F2: variants seen among roughly 807,000 people sequenced by gnomAD.
The protein encoded by F2 is coagulation factor II, thrombin, also known as prothrombin.
Under a neutral mutation model 81.9 loss-of-function variants are expected in F2, and 34 were observed. The ratio of observed to expected loss-of-function variants is 0.42; its 90% CI spans 0.32 to 0.55. The LOEUF is 0.55. Among genes scored for constraint, F2 ranks in the 20% least tolerant of loss-of-function variants. F2 has a pLI of 0.18. For synonymous variants in F2, 296 were observed against 326.4 expected (o/e 0.91, Z 1.01); for missense variants, 630 against 833.4 (o/e 0.76, Z 3.00).
At position 46,728,462 on chromosome 11, in the gene F2, C is replaced by A. The variant is rs952522605; in HGVS notation, c.1299-202C>A. Among the ~76,000 whole-genome samples the A allele has an allele frequency of 1.3e-5, 2 of 152,158 alleles. No homozygotes were observed. Among genetic ancestry groups the A allele is most frequent in the African/African-American group, 4.8e-5 (2 of 41,452 alleles). ...CAGCCTGTGCCCCTGTCCCCGTCCT[C>A]CAGGCTGTCTGACTCCAAAGCCCTG... On this transcript the variant is annotated intron_variant, in intron 10 of 13. Transcript: ENST00000311907. This position sits in a 1 kb window ranked among gnomAD's most constrained non-coding sequence, Gnocchi z 5.1.
Position 46,723,010 on chromosome 11 carries a change from A to G in F2, c.317-170A>G. The G allele has an allele frequency of 1.4e-6, 1 of 739,348 alleles. No individual in the cohort carries two copies. The highest frequency in any genetic ancestry group is 2.5e-5 in the East Asian group (1 of 39,506). 45.8% of individuals were successfully genotyped at this position (739,348 alleles called of 1,614,324 possible). A position where few individuals can be genotyped will look rare whatever the true frequency, so the allele number is the denominator to read the frequency against. ...GGCACTTAGCGAATATTTGGAGGCC[A>G]CTGTTGAGTGAATGGGAGAACTGCT... is the stretch of plus-strand genomic sequence containing the variant. On this transcript the variant is annotated intron_variant, in intron 4 of 13. Coordinates refer to ENST00000311907, the MANE Select transcript of F2 (RefSeq NM_000506.5). This position sits in a 1 kb window ranked among gnomAD's most constrained non-coding sequence, Gnocchi z 5.6.
intron 12 of F2, 128 bp from the exon 13 acceptor site, chr11:46,738,920 G>C: frequency 1.1e-6 from 1 of 909,172 alleles, no homozygotes; most frequent in Non-Finnish European, 1.8e-6. Context: ...TGGATGGGTA[G>C]GGTGAGGAAG....
At position 46,726,635 on chromosome 11, in the gene F2, G is replaced by A. The variant is rs1592413017; in HGVS notation, c.1003+9G>A. 6.2e-7 allele frequency: 1 copy of A among 1,612,760 alleles called. No homozygotes were observed. The highest frequency in any genetic ancestry group is 8.5e-7 in the Non-Finnish European group (1 of 1,178,684). On this transcript the variant is annotated intron_variant, in intron 8 of 13. Coordinates refer to ENST00000311907, the MANE Select transcript of F2 (RefSeq NM_000506.5). The surrounding 1 kb of genome is among the most constrained non-coding windows in gnomAD (Gnocchi z 5.9). The stretch of plus-strand genomic sequence containing the variant: ...TGGCTCGGGAGAGGCAGGTGAGGTA[G>A]TGGGCATCCGAGGGGATGCGGGGCT...
rs2064822060 is a variant in F2, at chr11:46,719,593, C to T, written c.80-109C>T. 4.2e-6 allele frequency: 6 copies of T among 1,417,132 alleles called. No homozygotes were observed. In the South Asian group the frequency reaches 7.6e-5, roughly 18 times the overall value. 87.8% of individuals were successfully genotyped at this position (1,417,132 alleles called of 1,614,324 possible). On this transcript the variant is annotated intron_variant, in intron 1 of 13. Transcript: ENST00000311907. The surrounding 1 kb of genome is among the most constrained non-coding windows in gnomAD (Gnocchi z 4.7). The stretch of plus-strand genomic sequence containing the variant: ...CAGGCACTTCCACCAGCCCAGACAG[C>T]CTCTCTCAGAAGCCAGCAGGGGAGG...
rs986623422 is a variant in F2, at chr11:46,732,050, G to A, written c.1654+2489G>A. Among the ~76,000 whole-genome samples, 51 of 151,646 alleles carry A rather than the reference G, an allele frequency of 3.4e-4. 1 individual carries two copies. The highest frequency in any genetic ancestry group is 1.1e-3 in the African/African-American group (46 of 41,344). On this transcript the variant is annotated intron_variant, in intron 12 of 13. Transcript: ENST00000311907. ...CCTGCCTCAGCCTCCCAAGTAGCAGGGATTACAGGCATGTGCCACCACACC... is the reference window on the plus strand; with the variant it reads ...CCTGCCTCAGCCTCCCAAGTAGCAGAGATTACAGGCATGTGCCACCACACC...
chr11:46,722,168 A>G (rs998083691), intron 4 of F2, among the ~76,000 whole-genome samples: 1 of 152,218 alleles, frequency 6.6e-6, no homozygotes, highest in African/African-American at 2.4e-5. Context: ...TACGTACTCA[A>G]CAGACATTTT....
chr11:46,729,483 G>C lies in F2; in HGVS notation c.1576G>C (p.Val526Leu), dbSNP rs1565705648. 1 of 1,614,136 alleles carries C rather than the reference G, an allele frequency of 6.2e-7. No individual in the cohort carries two copies. Among genetic ancestry groups the C allele is most frequent in the Admixed American group, 1.7e-5 (1 of 60,010 alleles). The change falls in exon 12 of 14, where the codon GTG becomes CTG. Residue 526 changes from valine (V) to leucine (L), a missense_variant. By Grantham distance (32) the Val-to-Leu change is conservative (BLOSUM62 1). Transcript: ENST00000311907. ...GGGGCAGCCCAGTGTCCTGCAGGTG[G>C]TGAACCTGCCCATTGTGGAGCGGCC... ...GKGQPSVLQV[V>L]NLPIVERPVC...
At chr11:46,722,844 G>A (rs1225793630) in intron 4 of F2, among the ~76,000 whole-genome samples, 2 of 152,176 alleles carry the variant, frequency 1.3e-5, no homozygotes, top group Non-Finnish European at 2.9e-5. Context: ...GGTAGACCAG[G>A]GCCAGTTGAA....
At chr11:46,731,921 T>G (rs1369422928) in intron 12 of F2, among the ~76,000 whole-genome samples, 3 of 147,168 alleles carry the variant, frequency 2.0e-5, no homozygotes, top group Admixed American at 6.8e-5. Flanking sequence ...TGTTTTTTTT[T>G]TTTTTTTTTT....
intron 12 of F2, 75 bp downstream of exon 12, chr11:46,729,636 C>T (rs1315424279): frequency 1.9e-6 from 3 of 1,548,118 alleles, no homozygotes; most frequent in Non-Finnish European, 2.6e-6. Context: ...TGGGTTCAAG[C>T]CATGTGACTT....
intron 12 of F2, among the ~76,000 whole-genome samples, chr11:46,730,862 CAA>C (rs201584455): frequency 7.4e-6 from 1 of 135,764 alleles, no homozygotes; most frequent in Non-Finnish European, 1.6e-5. Context: ...TGAGTATTTC[CAA>C]AAAAAAAAAA....
intron 2 of F2, 104 bp from the exon 3 acceptor site, chr11:46,720,419 T>C: frequency 7.4e-7 from 1 of 1,350,888 alleles, no homozygotes. Context: ...GCCTGCCCCC[T>C]GCGTGACCAG....
At chr11:46,736,110 G>A (rs1162951818) in intron 12 of F2, among the ~76,000 whole-genome samples, 2 of 152,106 alleles carry the variant, frequency 1.3e-5, no homozygotes, top group Non-Finnish European at 2.9e-5. Flanking sequence ...GGCTGAGGCA[G>A]GGGAATCACT....
At chr11:46,736,324 G>T (rs1475468436) in intron 12 of F2, among the ~76,000 whole-genome samples, 3 of 152,144 alleles carry the variant, frequency 2.0e-5, no homozygotes, top group Non-Finnish European at 4.4e-5. Flanking sequence ...TCCCTGTGCT[G>T]CCCAGGCTGA....
intron 12 of F2, among the ~76,000 whole-genome samples, chr11:46,733,782 CTTTTTTTT>C (rs34296052): frequency 0.054 from 4,844 of 89,854 alleles, 163 homozygotes; most frequent in South Asian, 0.18. Context: ...GATTAAGGAC[CTTTTTTTT>C]TTTTTTTTTT....
At position 46,726,158 on chromosome 11, in the gene F2, G is replaced by A. The variant is rs777315807; in HGVS notation, c.859G>A (p.Asp287Asn). ...GAAGCCTGGCGACTTTGGGTACTGC[G>A]ACCTCAACTATTGTGGTGAGCTGCC... ...AGKPGDFGYCDLNYCEEAVEE... is the reference protein window; with the variant it reads ...AGKPGDFGYCNLNYCEEAVEE... The change falls in exon 7 of 14, where the codon GAC (aspartate) becomes AAC (asparagine). Residue 287 changes from aspartate (D) to asparagine (N), a missense_variant. Transcript: ENST00000311907. This position sits in a 1 kb window ranked among gnomAD's most constrained non-coding sequence, Gnocchi z 5.9. 1.1e-5 allele frequency: 17 copies of A among 1,613,692 alleles called. No homozygotes were observed. The highest frequency in any genetic ancestry group is 6.7e-5 in the East Asian group (3 of 44,894).
Position 46,725,994 on chromosome 11 carries a change from T to C in F2, c.695T>C (p.Leu232Pro). Residue 232 changes from leucine to proline, a missense_variant, in exon 7 of 14, where the codon CTC becomes CCC. Transcript: ENST00000311907. ...QGRLAVTTHG[L>P]PCLAWASAQA... ...CGCCTGGCGGTGACCACACATGGGC[T>C]CCCCTGCCTGGCCTGGGCCAGCGCA... The C allele has an allele frequency of 6.2e-7, 1 of 1,613,878 alleles. No individual in the cohort carries two copies. The highest frequency in any genetic ancestry group is 1.3e-5 in the African/African-American group (1 of 75,016).
Position 46,719,541 on chromosome 11 carries a change from C to CTTTCCCCTCCT in F2, c.80-161_80-160insTTTCCCCTCCT. 1.0e-6 allele frequency: 1 copy of CTTTCCCCTCCT among 999,346 alleles called. No individual in the cohort carries two copies. The highest frequency in any genetic ancestry group is 1.5e-5 in the South Asian group (1 of 67,210). The allele number at this position is 999,346 out of a possible 1,614,324, so 61.9% of individuals were successfully genotyped here. A position where few individuals can be genotyped will look rare whatever the true frequency, so the allele number is the denominator to read the frequency against. ...GGGGCAAGGGGCAGTGTAGGAGGGG[C>CTTTCCCCTCCT]ACAGGGGGCCACATTTAGCAGCCTT... On this transcript the variant is annotated intron_variant, in intron 1 of 13. Coordinates refer to ENST00000311907, the MANE Select transcript of F2 (RefSeq NM_000506.5). This position sits in a 1 kb window ranked among gnomAD's most constrained non-coding sequence, Gnocchi z 4.7.
chr11:46,739,086 G>A lies in F2; in HGVS notation c.1693G>A (p.Glu565Lys). The change falls in exon 13 of 14, where the codon GAA becomes AAA. Residue 565 changes from glutamate to lysine, a missense_variant. Transcript: ENST00000311907. ...TGAAGGGAAACGAGGGGATGCCTGT[G>A]AAGGTGACAGTGGGGGACCCTTTGT... The part of the protein sequence containing the change: ...PDEGKRGDAC[E>K]GDSGGPFVMK... 1 of 1,614,216 alleles carries A rather than the reference G, an allele frequency of 6.2e-7. No individual in the cohort carries two copies. Among genetic ancestry groups the A allele is most frequent in the Non-Finnish European group, 8.5e-7 (1 of 1,180,040 alleles).
Sources: gnomAD v4.1 joint callset for allele counts (sites outside exome capture counted in the v4.1 genomes callset) on GRCh38, gnomAD v4.1.1 for gene constraint, Gnocchi (gnomAD v3.1) non-coding constraint, MANE v1.5 for transcripts, NCBI Gene and HGNC (gene_info 2026-07-23, HGNC 2026-07-21) for gene names.